TTBK2: variants seen among roughly 807,000 people sequenced by gnomAD.
TTBK2 encodes the protein tau tubulin kinase 2.
A neutral mutation model predicts 110.8 loss-of-function variants in TTBK2; 28 were observed. The observed-to-expected ratio is 0.25, with a 90% CI of 0.19 to 0.35. The LOEUF (loss-of-function observed/expected upper bound fraction) is 0.35, where lower values mean the gene tolerates loss of function less well. TTBK2 is among the 10% of genes least tolerant of loss of function. The probability of loss-of-function intolerance (pLI) is 1.00; values close to 1 mark genes in which losing one functional copy is unlikely to be tolerated. For synonymous variants in TTBK2, 532 were observed against 527.3 expected (o/e 1.01, Z -0.12); for missense variants, 1,369 against 1,500.3 (o/e 0.91, Z 1.45).
chr15:42,787,010 G>A (rs1335577248), intron 10 of TTBK2, among the ~76,000 whole-genome samples: 1 of 152,210 alleles, frequency 6.6e-6, no homozygotes, highest in African/African-American at 2.4e-5. Context: ...GTAAGAAAAT[G>A]TGTGGAAGAA....
At chr15:42,817,521 A>C (rs558765903) in intron 6 of TTBK2, among the ~76,000 whole-genome samples, 3 of 152,220 alleles carry the variant, frequency 2.0e-5, no homozygotes, top group Non-Finnish European at 4.4e-5. Context: ...CAAGCTCTTC[A>C]TATCTTGGCT....
intron 3 of TTBK2, among the ~76,000 whole-genome samples, chr15:42,851,218 A>T (rs944605115): frequency 6.6e-6 from 1 of 151,236 alleles, no homozygotes; most frequent in Non-Finnish European, 1.5e-5. Context: ...ACTGCACTCC[A>T]GCCTCGGCGA....
rs759586372 is a variant in TTBK2, at chr15:42,777,136, C to A, written c.1304G>T (p.Arg435Ile). 3 of 1,614,108 alleles carry A rather than the reference C, an allele frequency of 1.9e-6. No homozygotes were observed. The African/African-American group carries it at 4.0e-5, about 22-fold the overall frequency. ...RVRSEITQPD[R>I]DIPLVRKLRS... The stretch of plus-strand genomic sequence containing the variant: ...TAACTTTCGCACCAGTGGAATATCT[C>A]TGTCTGGCTGAGTAATCTCTGAGCG... The change falls in exon 12 of 15, where the codon AGA (arginine) becomes ATA (isoleucine). Residue 435 changes from arginine (R) to isoleucine (I), a missense_variant. By Grantham distance (97) the Arg-to-Ile change is moderately conservative. Transcript: ENST00000267890.
intron 1 of TTBK2, among the ~76,000 whole-genome samples, chr15:42,905,302 C>T (rs1435437528): frequency 6.6e-6 from 1 of 152,132 alleles, no homozygotes; most frequent in Non-Finnish European, 1.5e-5. Context: ...GAGACAGGGC[C>T]TCACTCTGTC....
At chr15:42,800,205 C>T in intron 9 of TTBK2, 1 of 410,130 alleles carries the variant, frequency 2.4e-6, no homozygotes, top group African/African-American at 2.1e-5. Context: ...TTTATAATGA[C>T]CACATATTAC....
intron 3 of TTBK2, among the ~76,000 whole-genome samples, chr15:42,868,520 A>T (rs1894475985): frequency 6.6e-6 from 1 of 152,202 alleles, no homozygotes; most frequent in Middle Eastern, 3.4e-3. Context: ...TGCTCTTTTT[A>T]AAAAAGTCTT....
intron 1 of TTBK2, among the ~76,000 whole-genome samples, chr15:42,886,306 G>A (rs1167163421): frequency 2.0e-5 from 3 of 152,070 alleles, no homozygotes; most frequent in African/African-American, 7.2e-5. Context: ...TTATGGTTTT[G>A]TTCTGCGACT....
At chr15:42,801,528 G>A (rs1891202722) in intron 9 of TTBK2, 13 of 766,666 alleles carry the variant, frequency 1.7e-5, no homozygotes, top group Non-Finnish European at 3.1e-5. Context: ...TCATCCCCAT[G>A]CTTCTGACCC....
At chr15:42,815,907 TTTAA>T (rs1390366167) in intron 7 of TTBK2, among the ~76,000 whole-genome samples, 2 of 106,838 alleles carry the variant, frequency 1.9e-5, no homozygotes, top group Admixed American at 1.1e-4. Flanking sequence ...TATATATATA[TTTAA>T]AAATATATAT....
chr15:42,793,085 T>C (rs760196890), intron 10 of TTBK2, among the ~76,000 whole-genome samples: 1 of 152,204 alleles, frequency 6.6e-6, no homozygotes, highest in Non-Finnish European at 1.5e-5. Flanking sequence ...AGTGTTAGGA[T>C]TATTTCCTCA....
intron 13 of TTBK2, among the ~76,000 whole-genome samples, chr15:42,763,157 C>CATACATATATAT (rs1889132707): frequency 4.9e-5 from 1 of 20,464 alleles, no homozygotes; most frequent in African/African-American, 2.1e-4. Context: ...TATATATATA[C>CATACATATATAT]ATATATATAT....
intron 3 of TTBK2, among the ~76,000 whole-genome samples, chr15:42,850,119 T>C (rs1042224066): frequency 6.6e-6 from 1 of 152,164 alleles, no homozygotes; most frequent in Non-Finnish European, 1.5e-5. Context: ...CCCTCTATTT[T>C]AGGCTCTTGC....
Position 42,752,144 on chromosome 15 carries a change from C to T in TTBK2, c.3102G>A (p.Arg1034=). Residue 1034 remains arginine, a synonymous_variant, in exon 14 of 15, where the codon AGG becomes AGA. Transcript: ENST00000267890. ...SRLTVDSHLS[R]SAEDSFLSPI... ...GTGACAGAAAGCTATCTTCAGCTGA[C>T]CTACTCAGGTGAGAATCTACTGTCA... 6.2e-7 allele frequency: 1 copy of T among 1,614,196 alleles called. No homozygotes were observed. The highest frequency in any genetic ancestry group is 8.5e-7 in the Non-Finnish European group (1 of 1,180,040).
rs1890464623 is a variant in TTBK2 at position 42,787,622 on chromosome 15, G to A, written c.981-3987C>T. Among the ~76,000 whole-genome samples, 3 of 152,082 alleles carry A rather than the reference G, an allele frequency of 2.0e-5. No individual in the cohort carries two copies. The South Asian group carries it at 6.2e-4, about 32-fold the overall frequency. Reference sequence around the variant, plus strand: ...AGTAACTTTATAGTAGAAAGAACTGGCCACTGTAACCAAATTGTCAACATA... The same window carrying A: ...AGTAACTTTATAGTAGAAAGAACTGACCACTGTAACCAAATTGTCAACATA... On this transcript the variant is annotated intron_variant, in intron 10 of 14. Transcript: ENST00000267890.
chr15:42,801,036 G>A (rs1891171256), intron 9 of TTBK2: 1 of 766,214 alleles, frequency 1.3e-6, no homozygotes, highest in Non-Finnish European at 2.4e-6. Context: ...CATGACCACG[G>A]CCCTGGAGGA....
chr15:42,902,124 G>A (rs2030067432), intron 1 of TTBK2, among the ~76,000 whole-genome samples: 1 of 151,770 alleles, frequency 6.6e-6, no homozygotes, highest in Admixed American at 6.6e-5. Flanking sequence ...GCTGAGGCAG[G>A]AGAACTGCCT....
chr15:42,871,342 TA>T, intron 3 of TTBK2: 1 of 642,246 alleles, frequency 1.6e-6, no homozygotes, highest in Non-Finnish European at 1.9e-6. Context: ...TAAAAGGTAC[TA>T]AACTGATCTT....
chr15:42,905,060 C>G (rs1035403186), intron 1 of TTBK2, among the ~76,000 whole-genome samples: 3 of 151,700 alleles, frequency 2.0e-5, no homozygotes, highest in African/African-American at 7.3e-5. Context: ...TTTGTAGACA[C>G]AGGATTTCGC....
intron 10 of TTBK2, among the ~76,000 whole-genome samples, chr15:42,791,420 T>C (rs1400178904): frequency 6.6e-6 from 1 of 152,230 alleles, no homozygotes; most frequent in Non-Finnish European, 1.5e-5. Flanking sequence ...GACTGTTATT[T>C]CTTCTCTGCC....
Sources: allele counts gnomAD v4.1 joint callset (sites outside exome capture counted in the v4.1 genomes callset), GRCh38; gene constraint gnomAD v4.1.1; transcripts MANE v1.5; gene names NCBI Gene and HGNC (gene_info 2026-07-23, HGNC 2026-07-21).